The following PDE8B variants were observed in gnomAD, a reference collection of about 807,000 sequenced individuals.
PDE8B encodes phosphodiesterase 8B.
A neutral mutation model predicts 101.3 loss-of-function variants in PDE8B; 26 were observed. That is an observed-to-expected ratio of 0.26 (90% CI 0.19 to 0.36). The LOEUF (loss-of-function observed/expected upper bound fraction) is 0.36. Among genes scored for constraint, PDE8B ranks in the 10% least tolerant of loss-of-function variants. The probability of loss-of-function intolerance (pLI) is 1.00; values close to 1 mark genes in which losing one functional copy is unlikely to be tolerated. For synonymous variants in PDE8B, 424 were observed against 429.3 expected, an observed-to-expected ratio of 0.99 and a Z score of 0.15; for missense variants, 810 against 1,163.1, an observed-to-expected ratio of 0.70 and a Z score of 4.42.
intron 10 of PDE8B, among the ~76,000 whole-genome samples, chr5:77,399,781 A>G (rs1289198976): frequency 1.3e-5 from 2 of 152,262 alleles, no homozygotes; most frequent in Non-Finnish European, 2.9e-5. Context: ...TAAATTGTCT[A>G]TAATTGAGCA....
intron 1 of PDE8B, among the ~76,000 whole-genome samples, chr5:77,250,175 G>A (rs954538537): frequency 6.6e-6 from 1 of 152,236 alleles, no homozygotes; most frequent in African/African-American, 2.4e-5. Flanking sequence ...AGGCTCTTGG[G>A]ATGGGTATGT....
rs188405338 is a variant in PDE8B, at chr5:77,374,697, C to T, written c.1167+21291C>T. ...CTCATACGTTATAAATCCCATAATACGGTTACTGTTTTTGCCTTAAATGCA... is the reference window on the plus strand; with the variant it reads ...CTCATACGTTATAAATCCCATAATATGGTTACTGTTTTTGCCTTAAATGCA... On this transcript the variant is annotated intron_variant, in intron 10 of 21. Coordinates refer to ENST00000264917, the MANE Select transcript of PDE8B (RefSeq NM_003719.5). Among the ~76,000 whole-genome samples the T allele has an allele frequency of 5.8e-4, 89 of 152,288 alleles. No homozygotes were observed. In the East Asian group the frequency reaches 8.7e-3, roughly 15 times the overall value.
chr5:77,248,382 A>G (rs575773589), intron 1 of PDE8B, among the ~76,000 whole-genome samples: 19 of 152,314 alleles, frequency 1.2e-4, no homozygotes, highest in Admixed American at 7.2e-4. Flanking sequence ...AGAGAGTATA[A>G]CTGCACTGAG....
chr5:77,192,429 C>T, the PDE8B span, among the ~76,000 whole-genome samples: 1 of 152,116 alleles, frequency 6.6e-6, no homozygotes, highest in Non-Finnish European at 1.5e-5. Context: ...AGATCATACA[C>T]ATAACTTTTT....
chr5:77,305,876 G>A (rs1254435215), intron 1 of PDE8B, among the ~76,000 whole-genome samples: 8 of 152,142 alleles, frequency 5.3e-5, no homozygotes, highest in Non-Finnish European at 5.9e-5. Flanking sequence ...GATCTTCACC[G>A]TGGACCCGTC....
chr5:77,120,170 G>A, the PDE8B span, among the ~76,000 whole-genome samples: 106 of 152,204 alleles, frequency 7.0e-4, no homozygotes, highest in South Asian at 1.9e-3. Flanking sequence ...AAAGCCTTAC[G>A]CAAAATAATA....
At chr5:77,233,544 G>A (rs1754017561) in intron 1 of PDE8B, among the ~76,000 whole-genome samples, 1 of 152,068 alleles carries the variant, frequency 6.6e-6, no homozygotes, top group Admixed American at 6.5e-5. Flanking sequence ...AAGGATAGGA[G>A]AACTGATCTG....
chr5:77,213,477 C>T (rs1437391686), intron 1 of PDE8B, among the ~76,000 whole-genome samples: 1 of 152,156 alleles, frequency 6.6e-6, no homozygotes, highest in African/African-American at 2.4e-5. Flanking sequence ...GTTGTATTGT[C>T]TTTTCTCAAT....
chr5:77,340,749 G>T (rs930846403), intron 6 of PDE8B, among the ~76,000 whole-genome samples: 1 of 152,052 alleles, frequency 6.6e-6, no homozygotes, highest in Non-Finnish European at 1.5e-5. Flanking sequence ...AACCATCACA[G>T]CTACTCAGCA....
intron 1 of PDE8B, among the ~76,000 whole-genome samples, chr5:77,238,635 A>G (rs927476192): frequency 6.6e-6 from 1 of 152,252 alleles, no homozygotes; most frequent in Non-Finnish European, 1.5e-5. Flanking sequence ...GTGGTTTATT[A>G]CAAGGAATTG....
intron 1 of PDE8B, among the ~76,000 whole-genome samples, chr5:77,297,737 G>T (rs1047218278): frequency 6.6e-6 from 1 of 152,126 alleles, no homozygotes; most frequent in Admixed American, 6.6e-5. Flanking sequence ...TAGCCACATG[G>T]TCTGTTCCAC....
intron 7 of PDE8B, among the ~76,000 whole-genome samples, chr5:77,347,235 A>G (rs1220940467): frequency 2.0e-5 from 3 of 152,256 alleles, no homozygotes; most frequent in Non-Finnish European, 4.4e-5. Flanking sequence ...CCTGTGAGTC[A>G]GGTATCACTA....
At chr5:77,236,792 C>A (rs929356746) in intron 1 of PDE8B, among the ~76,000 whole-genome samples, 2 of 152,072 alleles carry the variant, frequency 1.3e-5, no homozygotes, top group Admixed American at 6.5e-5. Context: ...TCTATAATGT[C>A]AATTTAGTTC....
the PDE8B span, among the ~76,000 whole-genome samples, chr5:77,157,309 C>T: frequency 6.6e-6 from 1 of 152,270 alleles, no homozygotes; most frequent in Non-Finnish European, 1.5e-5. Flanking sequence ...TAGGTTGAGA[C>T]ACAGGAAGAC....
intron 1 of PDE8B, chr5:77,290,481 A>C: frequency 6.8e-7 from 1 of 1,466,810 alleles, no homozygotes; most frequent in African/African-American, 1.4e-5. Context: ...AGAAGCATGG[A>C]AAATCTGGGC....
chr5:77,338,047 G>A (rs962695479), intron 6 of PDE8B, among the ~76,000 whole-genome samples: 1 of 152,206 alleles, frequency 6.6e-6, no homozygotes, highest in African/African-American at 2.4e-5. Flanking sequence ...GGGAAAGGAG[G>A]AGGCTCTTCT....
At chr5:77,121,691 A>G in the PDE8B span, among the ~76,000 whole-genome samples, 12 of 152,210 alleles carry the variant, frequency 7.9e-5, no homozygotes, top group South Asian at 6.2e-4. Flanking sequence ...TATTTTTAGT[A>G]GAGACGGGGT....
At chr5:77,220,505 T>C (rs1750873580) in intron 1 of PDE8B, among the ~76,000 whole-genome samples, 1 of 152,228 alleles carries the variant, frequency 6.6e-6, no homozygotes, top group South Asian at 2.1e-4. Context: ...TGAAAGGCAG[T>C]GTTCACTTTT....
At chr5:77,396,413 C>T (rs1045488734) in intron 10 of PDE8B, among the ~76,000 whole-genome samples, 1 of 152,186 alleles carries the variant, frequency 6.6e-6, no homozygotes, top group Admixed American at 6.5e-5. Flanking sequence ...AGAAAATAAC[C>T]AAGGTACTGA....
Sources: gnomAD v4.1 joint callset for allele counts (sites outside exome capture counted in the v4.1 genomes callset) on GRCh38, gnomAD v4.1.1 for gene constraint, MANE v1.5 for transcripts, NCBI Gene and HGNC (gene_info 2026-07-23, HGNC 2026-07-21) for gene names.